Variants in SLC36A3 observed in about 807,000 individuals in gnomAD.
The protein encoded by SLC36A3 is proton-coupled amino acid transporter 3.
A neutral mutation model predicts 44.3 loss-of-function variants in SLC36A3; 35 were observed. The ratio of observed to expected loss-of-function variants is 0.79; its 90% confidence interval spans 0.60 to 1.05. SLC36A3 has a LOEUF of 1.05. Ranked by LOEUF, SLC36A3 falls within the 50% of genes least tolerant of loss-of-function variation. The probability of loss-of-function intolerance (pLI) is 0.00; values close to 1 mark genes in which losing one functional copy is unlikely to be tolerated. For synonymous variants in SLC36A3, 211 were observed against 227.6 expected (o/e 0.93, Z 0.66); for missense variants, 540 against 578.7 (o/e 0.93, Z 0.69).
At chr5:151,293,225 T>C (rs1048377735) in intron 4 of SLC36A3, 139 bp downstream of exon 4, 3 of 697,890 alleles carry the variant, frequency 4.3e-6, no homozygotes, top group Non-Finnish European at 7.0e-6. Context: ...AGATGGGGGA[T>C]GGGGTTATCG....
In SLC36A3 at chr5:151,293,427, G is replaced by T. The variant is rs150561602; in HGVS notation, c.341C>A (p.Ala114Asp). 939 of 1,613,710 alleles carry T rather than the reference G, an allele frequency of 5.8e-4. 2 individuals carry two copies. The highest frequency in any genetic ancestry group is 5.0e-3 in the Middle Eastern group (30 of 6,060). The change falls in exon 4 of 10, where the codon GCC (alanine) becomes GAC (aspartate). Residue 114 changes from alanine (A) to aspartate (D), a missense_variant. Coordinates refer to ENST00000335230, the MANE Select transcript of SLC36A3 (RefSeq NM_181774.4). ...GCAGGTTTCAAGGCCGTACATCGTG[G>T]CCTCTCCATAGTTCACAAAAGTCTT... ...LQKTFVNYGEATMYGLETCPN... is the reference protein window; with the variant it reads ...LQKTFVNYGEDTMYGLETCPN...
chr5:151,285,785 G>GA (rs1185519071), intron 6 of SLC36A3, among the ~76,000 whole-genome samples: 1 of 152,208 alleles, frequency 6.6e-6, no homozygotes, highest in Non-Finnish European at 1.5e-5. Flanking sequence ...GGCAACATGA[G>GA]AAAGACTTGG....
At chr5:151,294,688 G>A (rs971621664) in intron 3 of SLC36A3, among the ~76,000 whole-genome samples, 1 of 151,788 alleles carries the variant, frequency 6.6e-6, no homozygotes, top group African/African-American at 2.4e-5. Context: ...GGAGTGCAAG[G>A]GTGCGATCTC....
In SLC36A3 at chr5:151,277,406, C is replaced by T; in HGVS notation, c.1400G>A (p.Gly467Asp). ...AAAAACAGATAATTATGCATGGACA[C>T]CTGTGGAGTTGGCCATGGAATGGCT... is the stretch of plus-strand genomic sequence containing the variant. ...PISHSMANSTGVHA is the reference protein window; with the variant it reads ...PISHSMANSTDVHA The change falls in exon 10 of 10, where the codon GGT becomes GAT. Residue 467 changes from glycine (G) to aspartate (D), a missense_variant. Gly to Asp is a moderately conservative substitution (Grantham distance 94). Coordinates refer to ENST00000335230, the MANE Select transcript of SLC36A3 (RefSeq NM_181774.4). The T allele has an allele frequency of 1.9e-6, 3 of 1,614,120 alleles. No homozygotes were observed. Among genetic ancestry groups the T allele is most frequent in the Non-Finnish European group, 1.7e-6 (2 of 1,180,026 alleles).
intron 6 of SLC36A3, among the ~76,000 whole-genome samples, chr5:151,286,938 C>T (rs1754556131): frequency 6.6e-6 from 1 of 152,182 alleles, no homozygotes; most frequent in African/African-American, 2.4e-5. Context: ...TTGCTGACCA[C>T]TGAGTCCCTG....
At position 151,284,703 on chromosome 5, in the gene SLC36A3, T is replaced by C; in HGVS notation, c.717A>G (p.Pro239=). The C allele has an allele frequency of 6.2e-7, 1 of 1,612,324 alleles. No individual in the cohort carries two copies. Among genetic ancestry groups the C allele is most frequent in the East Asian group, 2.2e-5 (1 of 44,880 alleles). ...LIFEYIMEGI[P]YPSNLPLMAN... is the part of the protein sequence containing the mutation. ...CCATCAAGGGTAGGTTGCTGGGATA[T>C]GGAATCCCCTAAAAGAAAGTGGGAG... is the stretch of plus-strand genomic sequence containing the variant. Residue 239 remains proline, a synonymous_variant, in exon 7 of 10, where the codon CCA becomes CCG. Coordinates refer to ENST00000335230, the MANE Select transcript of SLC36A3 (RefSeq NM_181774.4).
intron 3 of SLC36A3, among the ~76,000 whole-genome samples, chr5:151,295,747 A>G (rs1416122979): frequency 6.6e-6 from 1 of 152,198 alleles, no homozygotes; most frequent in Non-Finnish European, 1.5e-5. Flanking sequence ...CTTTTCAGTA[A>G]GTATGCTTTT....
At chr5:151,296,080 T>C in intron 3 of SLC36A3, 100 bp downstream of exon 3, 3 of 1,094,970 alleles carry the variant, frequency 2.7e-6, no homozygotes, top group Non-Finnish European at 4.1e-6. Flanking sequence ...GAAGGTGGCC[T>C]GGAGCAGTGG....
At position 151,277,373 on chromosome 5, in the gene SLC36A3, A is replaced by G. The variant is rs749289865; in HGVS notation, c.*20T>C. The G allele has an allele frequency of 1.9e-6, 3 of 1,611,424 alleles. No homozygotes were observed. The highest frequency in any genetic ancestry group is 1.7e-5 in the Admixed American group (1 of 59,942). Reference sequence around the variant, plus strand: ...CTGGGGATGGGAGGAAGGGAGAGCTATTAGAATAAAAACAGATAATTATGC... The same window carrying G: ...CTGGGGATGGGAGGAAGGGAGAGCTGTTAGAATAAAAACAGATAATTATGC... On this transcript the variant is annotated 3_prime_UTR_variant, in exon 10 of 10. Transcript: ENST00000335230.
chr5:151,293,632 C>CT (rs984455253), intron 3 of SLC36A3, among the ~76,000 whole-genome samples, 173 bp from the exon 4 acceptor site: 3 of 152,056 alleles, frequency 2.0e-5, no homozygotes, highest in South Asian at 2.1e-4. Context: ...GCCTTTTTTT[C>CT]TTTTTTTGCA....
chr5:151,284,298 G>C, intron 7 of SLC36A3, 88 bp from the exon 8 acceptor site: 1 of 1,364,132 alleles, frequency 7.3e-7, no homozygotes, highest in Non-Finnish European at 1.0e-6. Flanking sequence ...AAGCACAAAT[G>C]TCCTTCCCCA....
At chr5:151,283,877 C>T (rs1286301873) in intron 8 of SLC36A3, among the ~76,000 whole-genome samples, 167 bp downstream of exon 8, 4 of 152,236 alleles carry the variant, frequency 2.6e-5, no homozygotes, top group African/African-American at 4.8e-5. Flanking sequence ...GAGTGAGGTG[C>T]GGCCATGTGG....
chr5:151,278,856 G>A (rs893572171), intron 9 of SLC36A3, among the ~76,000 whole-genome samples: 2 of 152,184 alleles, frequency 1.3e-5, no homozygotes, highest in African/African-American at 2.4e-5. Flanking sequence ...AGCTCACAAC[G>A]AGGAGGCAGA....
chr5:151,303,521 G>A lies in SLC36A3; in HGVS notation c.-167C>T, dbSNP rs1755237179. 2 of 641,978 alleles carry A rather than the reference G, an allele frequency of 3.1e-6. No homozygotes were observed. The highest frequency in any genetic ancestry group is 5.7e-5 in the East Asian group (2 of 35,102). 39.8% of individuals were successfully genotyped at this position (641,978 alleles called of 1,614,324 possible). A position where few individuals can be genotyped will look rare whatever the true frequency, so the allele number is the denominator to read the frequency against. On this transcript the variant is annotated 5_prime_UTR_variant, in exon 1 of 10. Coordinates refer to ENST00000335230, the MANE Select transcript of SLC36A3 (RefSeq NM_181774.4). ...CTGAAGTGCATGAATCAGGGAAGCG[G>A]TGGTGGCAGGAGAGGCTGATGTTGA...
At chr5:151,288,520 T>A (rs1754632002) in intron 4 of SLC36A3, 50 bp from the exon 5 acceptor site, 2 of 1,282,542 alleles carry the variant, frequency 1.6e-6, no homozygotes, top group Admixed American at 4.5e-5. Context: ...AAAGCTAAAA[T>A]TATTTCTTAA....
In SLC36A3 at chr5:151,281,435, C is replaced by T. The variant is rs192559320; in HGVS notation, c.975-252G>A. ...GGCCAGATTGGACATCAGGGCCATC[C>T]GGGAAGCTTATTAAAAGTGCTTATT... On this transcript the variant is annotated intron_variant, in intron 8 of 9. Transcript: ENST00000335230. 1.1e-4 allele frequency among the ~76,000 whole-genome samples: 16 copies of T among 152,290 alleles called. No individual in the cohort carries two copies. In the South Asian group the frequency reaches 1.2e-3, roughly 12 times the overall value.
chr5:151,300,121 C>T (rs1353063051), intron 1 of SLC36A3, among the ~76,000 whole-genome samples: 1 of 152,226 alleles, frequency 6.6e-6, no homozygotes, highest in African/African-American at 2.4e-5. Flanking sequence ...CAGGCTAAGA[C>T]AGAGAATGCC....
At chr5:151,299,248 C>CTATATATATATA (rs1755072787) in intron 1 of SLC36A3, among the ~76,000 whole-genome samples, 1 of 95,180 alleles carries the variant, frequency 1.1e-5, no homozygotes, top group Admixed American at 1.3e-4. Context: ...CTCTCTCTCT[C>CTATATATATATA]TCTCTCTCTC....
chr5:151,277,331 T>A lies in SLC36A3; in HGVS notation c.*62A>T. 1 of 1,591,482 alleles carries A rather than the reference T, an allele frequency of 6.3e-7. No homozygotes were observed. Among genetic ancestry groups the A allele is most frequent in the Non-Finnish European group, 8.6e-7 (1 of 1,164,514 alleles). Reference sequence around the variant, plus strand: ...TGGGATTTGATGAAGGTATATAACATCCACATGGAAGTCAAACTGGGGATG... The same window carrying A: ...TGGGATTTGATGAAGGTATATAACAACCACATGGAAGTCAAACTGGGGATG... On this transcript the variant is annotated 3_prime_UTR_variant, in exon 10 of 10. Transcript: ENST00000335230.
Sources: gnomAD v4.1 joint callset for allele counts (sites outside exome capture counted in the v4.1 genomes callset) on GRCh38, gnomAD v4.1.1 for gene constraint, MANE v1.5 for transcripts, NCBI Gene and HGNC (gene_info 2026-07-23, HGNC 2026-07-21) for gene names.